NGDN: variants seen among roughly 807,000 people sequenced by gnomAD.
NGDN encodes the protein EIF4E-binding protein.
A neutral mutation model predicts 45.2 loss-of-function variants in NGDN; 41 were observed. That is an observed-to-expected ratio of 0.91 (90% CI 0.71 to 1.18). NGDN has a LOEUF of 1.18. Among genes scored for constraint, NGDN ranks in the 50% most tolerant of loss-of-function variants. The pLI, the probability that NGDN is intolerant of heterozygous loss-of-function variation, is 0.00. For synonymous variants in NGDN, 137 were observed against 130.9 expected (o/e 1.05, Z -0.32); for missense variants, 402 against 399.9 (o/e 1.01, Z -0.05).
chr14:23,476,896 C>T lies in NGDN; in HGVS notation c.714-304C>T, dbSNP rs577660580. Among the ~76,000 whole-genome samples the T allele has an allele frequency of 2.0e-4, 30 of 152,190 alleles. No homozygotes were observed. In the South Asian group the frequency reaches 4.8e-3, roughly 24 times the overall value. ...GTTGATGGATTTGCATGAAAGGACA[C>T]GTTTAGGGAAACCTGCTTATAGAGC... On this transcript the variant is annotated intron_variant, in intron 8 of 10. Transcript: ENST00000408901.
chr14:23,473,834 C>T (rs1256585140), intron 3 of NGDN, among the ~76,000 whole-genome samples: 1 of 152,080 alleles, frequency 6.6e-6, no homozygotes, highest in East Asian at 1.9e-4. Context: ...CTCTTATTAA[C>T]AATGATTTTC....
downstream of NGDN, chr14:23,478,179 G>T: frequency 2.8e-6 from 2 of 726,188 alleles, no homozygotes; most frequent in Non-Finnish European, 4.5e-6. Context: ...ATGAATTAAA[G>T]CCCCTTTTTG....
chr14:23,477,892 G>A lies in NGDN; in HGVS notation c.929-115G>A, dbSNP rs533173920. On this transcript the variant is annotated intron_variant, in intron 10 of 10. Transcript: ENST00000408901. ...CTTTTGTCCTGGGAAGATATTCAGG[G>A]TACTGCCTAGGAGACCCCACCCCTG... 1.5e-4 allele frequency: 240 copies of A among 1,595,594 alleles called. No homozygotes were observed. The African/African-American group carries it at 2.6e-3, about 18-fold the overall frequency.
rs199979035 is a variant in NGDN, at chr14:23,478,012, C to T, written c.934C>T (p.Arg312Trp). ...PQKGRKKKGF[R>W]RRR Reference sequence around the variant, plus strand: ...TTGGTTTCCCTTCCTTTCAGGTTTTCGGAGGCGGCGGTGATTATGGGTGTA... The same window carrying T: ...TTGGTTTCCCTTCCTTTCAGGTTTTTGGAGGCGGCGGTGATTATGGGTGTA... Residue 312 changes from arginine (R) to tryptophan (W), a missense_variant, in exon 11 of 11, where the codon CGG (arginine) becomes TGG (tryptophan). Physicochemically the swap from Arg to Trp is moderately radical, Grantham distance 101. Transcript: ENST00000408901. 7.0e-5 allele frequency: 113 copies of T among 1,613,902 alleles called. No homozygotes were observed. Among genetic ancestry groups the T allele is most frequent in the Middle Eastern group, 1.6e-4 (1 of 6,084 alleles).
intron 8 of NGDN, among the ~76,000 whole-genome samples, chr14:23,476,908 CCTG>C (rs1276345959): frequency 2.6e-5 from 4 of 152,232 alleles, no homozygotes; most frequent in Middle Eastern, 3.4e-3. Flanking sequence ...TTTAGGGAAA[CCTG>C]CTTATAGAGC....
chr14:23,477,073 T>C, intron 8 of NGDN, 127 bp from the exon 9 acceptor site: 2 of 767,032 alleles, frequency 2.6e-6, no homozygotes, highest in South Asian at 3.4e-5. Flanking sequence ...AATACTATGT[T>C]GATCTGCTGT....
In NGDN at chr14:23,469,711, C is replaced by T; in HGVS notation, c.-5C>T. 1.2e-6 allele frequency: 2 copies of T among 1,614,126 alleles called. No individual in the cohort carries two copies. Among genetic ancestry groups the T allele is most frequent in the South Asian group, 1.1e-5 (1 of 91,084 alleles). The stretch of plus-strand genomic sequence containing the variant: ...ACGACACCGGAAGGGGTGGGCTTTG[C>T]GAAGATGGCGGCGCTGGTGAGTTTG... On this transcript the variant is annotated 5_prime_UTR_variant, in exon 1 of 11. Transcript: ENST00000408901.
chr14:23,476,328 C>T lies in NGDN; in HGVS notation c.634C>T (p.Gln212Ter), dbSNP rs1271786270. The change falls in exon 8 of 11, where the codon CAG becomes TAG. Residue 212 changes from glutamine (Q) to a stop codon, truncating the protein, a stop_gained. Coordinates refer to ENST00000408901, the MANE Select transcript of NGDN (RefSeq NM_001042635.2). LOFTEE classifies it high-confidence loss of function. ...CTCTGTCATTCGTGAACTTAAGGAG[C>T]AGTACTCAGATGCTCCAGAGGAAAT... is the stretch of plus-strand genomic sequence containing the variant. ...SSSVIRELKE[Q>*]YSDAPEEIRD... 2 of 1,613,904 alleles carry T rather than the reference C, an allele frequency of 1.2e-6. No individual in the cohort carries two copies. Among genetic ancestry groups the T allele is most frequent in the Non-Finnish European group, 1.7e-6 (2 of 1,180,016 alleles).
At chr14:23,472,094 T>A (rs1893791172) in intron 3 of NGDN, among the ~76,000 whole-genome samples, 1 of 142,846 alleles carries the variant, frequency 7.0e-6, no homozygotes, top group Non-Finnish European at 1.5e-5. Flanking sequence ...CTGAGGTGAA[T>A]GGATCGGTTG....
At chr14:23,475,956 C>T in intron 6 of NGDN, 73 bp from the exon 7 acceptor site, 1 of 1,589,814 alleles carries the variant, frequency 6.3e-7, no homozygotes, top group Non-Finnish European at 8.6e-7. Context: ...CCCCAGGGTA[C>T]TCCAGCTTTG....
At position 23,477,340 on chromosome 14, in the gene NGDN, C is replaced by G. The variant is rs777999491; in HGVS notation, c.854C>G (p.Thr285Ser). 1 of 1,614,160 alleles carries G rather than the reference C, an allele frequency of 6.2e-7. No homozygotes were observed. Among genetic ancestry groups the G allele is most frequent in the Admixed American group, 1.7e-5 (1 of 60,034 alleles). The change falls in exon 9 of 11, where the codon ACT (threonine) becomes AGT (serine). Residue 285 changes from threonine (T) to serine (S), a missense_variant. Thr to Ser is a moderately conservative substitution (Grantham distance 58). Transcript: ENST00000408901. Reference sequence around the variant, plus strand: ...GACATCAGTGCTTTGACAGGGGGAACTGTTCATCTTGATGAGGTGAGGTTG... The same window carrying G: ...GACATCAGTGCTTTGACAGGGGGAAGTGTTCATCTTGATGAGGTGAGGTTG... ...FSDISALTGG[T>S]VHLDEDQNPI...
chr14:23,476,335 C>T lies in NGDN; in HGVS notation c.641C>T (p.Ser214Leu), dbSNP rs1249937505. ...ATTCGTGAACTTAAGGAGCAGTACT[C>T]AGATGCTCCAGAGGAAATCCGTGAT... ...SVIRELKEQY[S>L]DAPEEIRDAR... The change falls in exon 8 of 11, where the codon TCA (serine) becomes TTA (leucine). Residue 214 changes from serine to leucine, a missense_variant. Ser to Leu is a moderately radical substitution (Grantham distance 145). Coordinates refer to ENST00000408901, the MANE Select transcript of NGDN (RefSeq NM_001042635.2). 2.5e-6 allele frequency: 4 copies of T among 1,613,786 alleles called. No homozygotes were observed. The highest frequency in any genetic ancestry group is 3.4e-6 in the Non-Finnish European group (4 of 1,179,994).
At chr14:23,471,121 G>A in intron 3 of NGDN, 144 bp downstream of exon 3, 1 of 501,364 alleles carries the variant, frequency 2.0e-6, no homozygotes, top group Non-Finnish European at 3.4e-6. Context: ...AGTCTAGAGG[G>A]AAGACAAAGC....
chr14:23,474,556 A>G (rs773185364), intron 3 of NGDN, among the ~76,000 whole-genome samples: 15 of 90,334 alleles, frequency 1.7e-4, no homozygotes, highest in Non-Finnish European at 3.3e-4. Context: ...TGTGTATAAA[A>G]TGTATTCATC....
At position 23,475,237 on chromosome 14, in the gene NGDN, A is replaced by G. The variant is rs567174488; in HGVS notation, c.211A>G (p.Ile71Val). The change falls in exon 4 of 11, where the codon ATT becomes GTT. Residue 71 changes from isoleucine to valine, a missense_variant. Physicochemically the swap from Ile to Val is conservative, Grantham distance 29. Coordinates refer to ENST00000408901, the MANE Select transcript of NGDN (RefSeq NM_001042635.2). The stretch of plus-strand genomic sequence containing the variant: ...GTACCTTATGGATTTGACCCACCTC[A>G]TTCTGGACAAAGCCTCAGGAGGATC... Reference protein sequence around the residue: ...LMYLMDLTHLILDKASGGSLQ... With the variant: ...LMYLMDLTHLVLDKASGGSLQ... 1.2e-5 allele frequency: 20 copies of G among 1,614,024 alleles called. No individual in the cohort carries two copies. The highest frequency in any genetic ancestry group is 1.6e-5 in the Non-Finnish European group (19 of 1,179,986).
chr14:23,477,253 A>G lies in NGDN; in HGVS notation c.767A>G (p.Lys256Arg), dbSNP rs1863957713. Reference sequence around the variant, plus strand: ...CGTTTGAGCGTCAGTAAGCGAGAGAAAGGACGGCGAAAACGAGCAAATGTC... The same window carrying G: ...CGTTTGAGCGTCAGTAAGCGAGAGAGAGGACGGCGAAAACGAGCAAATGTC... ...MVRLSVSKRE[K>R]GRRKRANVMS... The change falls in exon 9 of 11, where the codon AAA becomes AGA. Residue 256 changes from lysine to arginine, a missense_variant. By Grantham distance (26) the Lys-to-Arg change is conservative. Transcript: ENST00000408901. 3 of 1,614,190 alleles carry G rather than the reference A, an allele frequency of 1.9e-6. No homozygotes were observed. Among genetic ancestry groups the G allele is most frequent in the Non-Finnish European group, 2.5e-6 (3 of 1,180,024 alleles).
Position 23,476,141 on chromosome 14 carries a change from C to T in NGDN, c.533C>T (p.Pro178Leu), listed in dbSNP as rs750378581. The part of the protein sequence containing the change: ...SKKYVPPRLV[P>L]VHYDETEAER... ...AAATATGTTCCTCCACGCTTGGTTC[C>T]AGTACATTATGGTATAAACTTTGGC... Residue 178 changes from proline (P) to leucine (L), a missense_variant, in exon 7 of 11, where the codon CCA becomes CTA. Transcript: ENST00000408901. The T allele has an allele frequency of 3.7e-6, 6 of 1,614,132 alleles. No homozygotes were observed. Among genetic ancestry groups the T allele is most frequent in the Non-Finnish European group, 5.1e-6 (6 of 1,180,008 alleles).
chr14:23,471,277 A>G (rs1039578839), intron 3 of NGDN: 3 of 289,298 alleles, frequency 1.0e-5, no homozygotes, highest in Non-Finnish European at 1.9e-5. Context: ...TTGAGGAATA[A>G]ATGGGAGGGA....
intron 3 of NGDN, among the ~76,000 whole-genome samples, chr14:23,472,742 A>G (rs969679318): frequency 6.6e-6 from 1 of 152,216 alleles, no homozygotes; most frequent in East Asian, 1.9e-4. Context: ...GAGTCACTGA[A>G]GGAGTTTTAA....
Sources: allele counts gnomAD v4.1 joint callset (sites outside exome capture counted in the v4.1 genomes callset), GRCh38; gene constraint gnomAD v4.1.1; transcripts MANE v1.5; gene names NCBI Gene and HGNC (gene_info 2026-07-23, HGNC 2026-07-21).